The following ORC3 variants were observed in gnomAD, a reference collection of about 807,000 sequenced individuals.
ORC3 encodes the protein homolog of latheo, Drosophila.
A neutral mutation model predicts 100.7 loss-of-function variants in ORC3; 78 were observed. The observed-to-expected ratio is 0.77, with a 90% confidence interval of 0.65 to 0.94. The LOEUF (loss-of-function observed/expected upper bound fraction) is 0.94, where lower values mean the gene tolerates loss of function less well. Ranked by LOEUF, ORC3 falls within the 40% of genes least tolerant of loss-of-function variation. The probability of loss-of-function intolerance (pLI) is 0.00; values close to 1 mark genes in which losing one functional copy is unlikely to be tolerated. For missense variants in ORC3, 789 were observed against 823.9 expected (o/e 0.96, Z 0.52); for synonymous variants, 295 against 289.3 (o/e 1.02, Z -0.20).
chr6:87,671,712 G>A (rs139700370), downstream of ORC3, among the ~76,000 whole-genome samples: 1 of 152,268 alleles, frequency 6.6e-6, no homozygotes, highest in Non-Finnish European at 1.5e-5. Context: ...CAACTGAAGA[G>A]TGCTTCAAGG....
At chr6:87,618,574 G>A (rs1436928086) in intron 9 of ORC3, among the ~76,000 whole-genome samples, 1 of 152,164 alleles carries the variant, frequency 6.6e-6, no homozygotes, top group African/African-American at 2.4e-5. Context: ...ATAGGAGCGA[G>A]CCAGGTCAGA....
intron 13 of ORC3, among the ~76,000 whole-genome samples, chr6:87,652,552 A>C (rs774968162): frequency 6.6e-6 from 1 of 152,376 alleles, no homozygotes; most frequent in East Asian, 1.9e-4. Flanking sequence ...GATGTAAAGC[A>C]TAGTTTAAAT....
intron 7 of ORC3, among the ~76,000 whole-genome samples, chr6:87,610,165 C>T (rs574264189): frequency 2.0e-5 from 3 of 152,114 alleles, no homozygotes; most frequent in Admixed American, 1.3e-4. Context: ...GCTACATTTG[C>T]CTAAAGCTAT....
intron 2 of ORC3, among the ~76,000 whole-genome samples, chr6:87,600,397 C>A (rs1168912046): frequency 6.6e-6 from 1 of 151,956 alleles, no homozygotes; most frequent in African/African-American, 2.4e-5. Context: ...GATTTTTCCC[C>A]AAATCAGTCT....
chr6:87,624,118 G>A (rs1779721308), intron 11 of ORC3, among the ~76,000 whole-genome samples: 1 of 152,070 alleles, frequency 6.6e-6, no homozygotes, highest in Non-Finnish European at 1.5e-5. Context: ...ACAGAGATTT[G>A]TACCCTTACC....
chr6:87,674,637 T>TTTATAA, the ORC3 span, among the ~76,000 whole-genome samples: 1 of 146,184 alleles, frequency 6.8e-6, no homozygotes, highest in African/African-American at 2.6e-5. Flanking sequence ...TATATATATA[T>TTTATAA]ATATATTTTT....
chr6:87,675,587 G>A, the ORC3 span: 1 of 1,614,016 alleles, frequency 6.2e-7, no homozygotes, highest in Admixed American at 1.7e-5. Flanking sequence ...ACAAATGCAG[G>A]ATACGTGATT....
chr6:87,643,822 T>C (rs1230440102), intron 13 of ORC3, among the ~76,000 whole-genome samples: 2 of 152,206 alleles, frequency 1.3e-5, no homozygotes, highest in Non-Finnish European at 2.9e-5. Context: ...GTAAGTTCCA[T>C]ATATGAAATG....
At chr6:87,619,139 G>GAA (rs1395241822) in intron 9 of ORC3, among the ~76,000 whole-genome samples, 9 of 152,130 alleles carry the variant, frequency 5.9e-5, no homozygotes, top group Non-Finnish European at 1.2e-4. Flanking sequence ...CTGAGCAGTA[G>GAA]AAAAGGAGAC....
At chr6:87,631,896 A>C (rs1767450082) in intron 11 of ORC3, among the ~76,000 whole-genome samples, 1 of 152,004 alleles carries the variant, frequency 6.6e-6, no homozygotes, top group Admixed American at 6.6e-5. Context: ...GCAGTATCTC[A>C]CGCAGTGTCT....
intron 13 of ORC3, among the ~76,000 whole-genome samples, chr6:87,639,182 T>A (rs1768036441): frequency 1.3e-5 from 2 of 152,154 alleles, no homozygotes; most frequent in Non-Finnish European, 2.9e-5. Context: ...AGAACACTTC[T>A]GGTCCCAAGC....
chr6:87,655,710 C>A (rs1769633481), intron 14 of ORC3, among the ~76,000 whole-genome samples: 1 of 151,256 alleles, frequency 6.6e-6, no homozygotes, highest in African/African-American at 2.4e-5. Flanking sequence ...CTATGTTTCC[C>A]AGCCTGGTCT....
At chr6:87,613,562 C>T (rs1176223678) in intron 8 of ORC3, among the ~76,000 whole-genome samples, 21 of 152,088 alleles carry the variant, frequency 1.4e-4, no homozygotes, top group Admixed American at 5.9e-4. Flanking sequence ...AAGTCTCATC[C>T]GAGACAAGGC....
At chr6:87,599,116 A>T (rs1453540525) in intron 2 of ORC3, among the ~76,000 whole-genome samples, 2 of 152,118 alleles carry the variant, frequency 1.3e-5, no homozygotes, top group African/African-American at 2.4e-5. Context: ...AAATTTACCT[A>T]CCTGATCTGT....
At chr6:87,648,740 T>C (rs1769005365) in intron 13 of ORC3, among the ~76,000 whole-genome samples, 1 of 152,272 alleles carries the variant, frequency 6.6e-6, no homozygotes, top group East Asian at 1.9e-4. Flanking sequence ...TCATTAGTAT[T>C]ACATATTGCC....
chr6:87,627,665 T>C (rs766331409), intron 11 of ORC3, among the ~76,000 whole-genome samples: 9 of 152,122 alleles, frequency 5.9e-5, no homozygotes, highest in Non-Finnish European at 1.2e-4. Context: ...ACAATCTATA[T>C]GTAATATTTA....
chr6:87,676,047 A>T, the ORC3 span: 1 of 786,608 alleles, frequency 1.3e-6, no homozygotes, highest in Non-Finnish European at 2.1e-6. Flanking sequence ...CACTTACATA[A>T]CCTCAGTAGT....
intron 12 of ORC3, among the ~76,000 whole-genome samples, chr6:87,635,924 C>G (rs1393640535): frequency 6.6e-6 from 1 of 151,314 alleles, no homozygotes; most frequent in Non-Finnish European, 1.5e-5. Flanking sequence ...AGTATAGCCT[C>G]ATTTTACTTT....
At chr6:87,675,327 A>G in the ORC3 span, 1 of 502,684 alleles carries the variant, frequency 2.0e-6, no homozygotes, top group Non-Finnish European at 3.6e-6. Context: ...ATCCTTTTCA[A>G]ACATTAATAT....
Sources: gnomAD v4.1 joint callset for allele counts (sites outside exome capture counted in the v4.1 genomes callset) on GRCh38, gnomAD v4.1.1 for gene constraint, MANE v1.5 for transcripts, NCBI Gene and HGNC (gene_info 2026-07-23, HGNC 2026-07-21) for gene names.